NSG2: variants seen among roughly 807,000 people sequenced by gnomAD.
NSG2 encodes neuronal vesicle trafficking-associated protein 2.
Under a neutral mutation model 16.9 loss-of-function variants are expected in NSG2, and 4 were observed. The observed-to-expected ratio is 0.24, with a 90% CI of 0.12 to 0.54. The LOEUF (loss-of-function observed/expected upper bound fraction) is 0.54, where lower values mean the gene tolerates loss of function less well. Among genes scored for constraint, NSG2 ranks in the 20% least tolerant of loss-of-function variants. The pLI is 0.95. For synonymous variants in NSG2, 98 were observed against 88.7 expected (o/e 1.11, Z -0.59); for missense variants, 179 against 221.1 (o/e 0.81, Z 1.21).
rs143824132 is a variant in NSG2 at position 174,104,913 on chromosome 5, C to G, written c.324+575C>G. Reference sequence around the variant, plus strand: ...GCCTTTTCCCAGGATTTTTGGGAGGCCTTAAGGAGAGAATTTAAGTAAAAT... The same window carrying G: ...GCCTTTTCCCAGGATTTTTGGGAGGGCTTAAGGAGAGAATTTAAGTAAAAT... On this transcript the variant is annotated intron_variant, in intron 4 of 4. Coordinates refer to ENST00000303177, the MANE Select transcript of NSG2 (RefSeq NM_015980.5). Among the ~76,000 whole-genome samples the G allele has an allele frequency of 4.2e-4, 64 of 152,126 alleles. No homozygotes were observed. The East Asian group carries it at 0.011, about 25-fold the overall frequency.
chr5:174,107,956 G>A lies in NSG2; in HGVS notation c.*451G>A, dbSNP rs1404536352. The A allele has an allele frequency of 2.7e-6, 1 of 364,916 alleles. No individual in the cohort carries two copies. The highest frequency in any genetic ancestry group is 5.3e-6 in the Non-Finnish European group (1 of 187,748). The allele number at this position is 364,916 out of a possible 1,614,324, so 22.6% of individuals were successfully genotyped here. On this transcript the variant is annotated 3_prime_UTR_variant, in exon 5 of 5. Coordinates refer to ENST00000303177, the MANE Select transcript of NSG2 (RefSeq NM_015980.5). This position sits in a 1 kb window ranked among gnomAD's most constrained non-coding sequence, Gnocchi z 4.5. ...ACGTAGCTTCAGTGGGGGCTCCAGG[G>A]TTGCAGAGTATGAGTGACACAGACC...
At chr5:174,097,640 TGTTTC>T (rs1252674863) in intron 3 of NSG2, among the ~76,000 whole-genome samples, 1 of 150,166 alleles carries the variant, frequency 6.7e-6, no homozygotes, top group African/African-American at 2.5e-5. Context: ...TCTGTGTGTG[TGTTTC>T]TCTCTCAGTG....
chr5:174,094,021 A>G (rs1561674011), intron 3 of NSG2, among the ~76,000 whole-genome samples: 1 of 152,224 alleles, frequency 6.6e-6, no homozygotes, highest in Admixed American at 6.5e-5. Flanking sequence ...TGCATCGTGC[A>G]TGGTATCTTG....
At chr5:174,102,821 C>G (rs1760920344) in intron 3 of NSG2, among the ~76,000 whole-genome samples, 1 of 151,368 alleles carries the variant, frequency 6.6e-6, no homozygotes, top group South Asian at 2.1e-4. Flanking sequence ...CTCTGTCACC[C>G]AGCCTGGAGT....
chr5:174,070,880 C>T (rs1431856014), intron 3 of NSG2, among the ~76,000 whole-genome samples: 1 of 152,228 alleles, frequency 6.6e-6, no homozygotes, highest in Non-Finnish European at 1.5e-5. Flanking sequence ...CAGTTCCCAG[C>T]ACTGGCCTGG....
In NSG2 at chr5:174,075,488, G is replaced by A. The variant is rs535592448; in HGVS notation, c.213+11173G>A. Reference sequence around the variant, plus strand: ...TTGCTGCAGATCCCTGTTATTTGCCGAGTGTTAGGTTAATTTTGCGTTGGC... The same window carrying A: ...TTGCTGCAGATCCCTGTTATTTGCCAAGTGTTAGGTTAATTTTGCGTTGGC... On this transcript the variant is annotated intron_variant, in intron 3 of 4. Coordinates refer to ENST00000303177, the MANE Select transcript of NSG2 (RefSeq NM_015980.5). Among the ~76,000 whole-genome samples the A allele has an allele frequency of 2.3e-3, 344 of 152,330 alleles. 1 individual carries two copies. The highest frequency in any genetic ancestry group is 7.9e-3 in the African/African-American group (330 of 41,580).
chr5:174,070,555 C>T (rs1760221316), intron 3 of NSG2, among the ~76,000 whole-genome samples: 1 of 152,142 alleles, frequency 6.6e-6, no homozygotes, highest in Non-Finnish European at 1.5e-5. Flanking sequence ...AATATTGGTT[C>T]TGGTCTGGGC....
At chr5:174,069,464 C>A (rs954057656) in intron 3 of NSG2, among the ~76,000 whole-genome samples, 1 of 152,060 alleles carries the variant, frequency 6.6e-6, no homozygotes, top group East Asian at 1.9e-4. Context: ...AGACTAGGCT[C>A]GCCTAGGCAT....
intron 2 of NSG2, among the ~76,000 whole-genome samples, chr5:174,055,438 A>AC (rs1187285323): frequency 1.3e-5 from 2 of 151,946 alleles, no homozygotes; most frequent in Non-Finnish European, 2.9e-5. Context: ...CTAAAAAAAA[A>AC]ATGTAAAAAA....
chr5:174,053,283 A>T (rs902385743), intron 2 of NSG2, among the ~76,000 whole-genome samples: 1 of 152,152 alleles, frequency 6.6e-6, no homozygotes, highest in Non-Finnish European at 1.5e-5. Context: ...GAGAGCACAG[A>T]TAGGGTTTCC....
chr5:174,066,169 C>CAGTGGCTGGTCTTACTTTTTTATTGT (rs1389680430), intron 3 of NSG2: 7 of 456,166 alleles, frequency 1.5e-5, no homozygotes, highest in South Asian at 1.1e-4. Context: ...TCTTGGAGAG[C>CAGTGGCTGGTCTTACTTTTTTATTGT]AGTGGCTGGT....
chr5:174,063,455 C>T (rs1162654854), intron 2 of NSG2, among the ~76,000 whole-genome samples: 2 of 152,074 alleles, frequency 1.3e-5, no homozygotes, highest in Non-Finnish European at 2.9e-5. Flanking sequence ...TCTCACAAGT[C>T]CCCAAATCAA....
chr5:174,063,845 A>G (rs1023679763), intron 2 of NSG2, among the ~76,000 whole-genome samples: 6 of 152,202 alleles, frequency 3.9e-5, no homozygotes, highest in African/African-American at 9.6e-5. Context: ...CTATGCCAAA[A>G]GGCAAAATAC....
chr5:174,086,019 T>C (rs931499027), intron 3 of NSG2, among the ~76,000 whole-genome samples: 1 of 152,212 alleles, frequency 6.6e-6, no homozygotes, highest in African/African-American at 2.4e-5. Context: ...ATCCCTCCTT[T>C]GTGGTAGATG....
rs62395632 is a variant in NSG2 at position 174,057,229 on chromosome 5, G to A, written c.130-7003G>A. Among the ~76,000 whole-genome samples, 428 of 152,202 alleles carry A rather than the reference G, an allele frequency of 2.8e-3. 2 individuals carry two copies. The highest frequency in any genetic ancestry group is 4.6e-3 in the Non-Finnish European group (314 of 68,014). ...TCTCATTTCTGCTGATAGACAAGGC[G>A]CTCAGGGCTCTGTTTTGCTCCATTT... is the stretch of plus-strand genomic sequence containing the variant. On this transcript the variant is annotated intron_variant, in intron 2 of 4. Transcript: ENST00000303177.
intron 3 of NSG2, among the ~76,000 whole-genome samples, chr5:174,088,663 C>G (rs1171880239): frequency 6.6e-6 from 1 of 152,210 alleles, no homozygotes; most frequent in Admixed American, 6.5e-5. Context: ...GATCCTTGGT[C>G]TCTGGGCACC....
intron 3 of NSG2, among the ~76,000 whole-genome samples, chr5:174,090,840 T>G (rs1484800712): frequency 6.6e-6 from 1 of 152,194 alleles, no homozygotes; most frequent in African/African-American, 2.4e-5. Flanking sequence ...CTGCTGGGTG[T>G]GCTAGACTGT....
intron 2 of NSG2, among the ~76,000 whole-genome samples, chr5:174,055,228 G>A (rs777546677): frequency 6.6e-6 from 1 of 152,174 alleles, no homozygotes; most frequent in Non-Finnish European, 1.5e-5. Flanking sequence ...CAGAGCAGAA[G>A]GAGCTGGAAG....
chr5:174,097,283 C>T (rs1033727059), intron 3 of NSG2, among the ~76,000 whole-genome samples: 3 of 152,064 alleles, frequency 2.0e-5, no homozygotes, highest in African/African-American at 7.2e-5. Flanking sequence ...CCAGCCCAAA[C>T]CCTGATTCTC....
Sources: gnomAD v4.1 joint callset for allele counts (sites outside exome capture counted in the v4.1 genomes callset) on GRCh38, gnomAD v4.1.1 for gene constraint, Gnocchi (gnomAD v3.1) non-coding constraint, MANE v1.5 for transcripts, NCBI Gene and HGNC (gene_info 2026-07-23, HGNC 2026-07-21) for gene names.